TBC1D8: variants seen among roughly 807,000 people sequenced by gnomAD.
TBC1D8 encodes BUB2-like protein 1.
Under a neutral mutation model 118.8 loss-of-function variants are expected in TBC1D8, and 65 were observed. The ratio of observed to expected loss-of-function variants is 0.55; its 90% CI spans 0.45 to 0.67. The LOEUF (loss-of-function observed/expected upper bound fraction) is 0.67. TBC1D8 is among the 30% of genes least tolerant of loss of function. TBC1D8 has a pLI of 0.00. For synonymous variants in TBC1D8, 566 were observed against 595.8 expected, an observed-to-expected ratio of 0.95 and a Z score of 0.73; for missense variants, 1,376 against 1,471.2, an observed-to-expected ratio of 0.94 and a Z score of 1.06.
intron 2 of TBC1D8, among the ~76,000 whole-genome samples, chr2:101,078,532 G>C (rs1447790686): frequency 6.6e-6 from 1 of 152,094 alleles, no homozygotes; most frequent in African/African-American, 2.4e-5. Flanking sequence ...ATACGTAGGA[G>C]AGAAATATTA....
intron 16 of TBC1D8, among the ~76,000 whole-genome samples, chr2:101,022,027 C>A (rs563524893): frequency 1.3e-5 from 2 of 152,308 alleles, no homozygotes; most frequent in Non-Finnish European, 2.9e-5. Context: ...AAGCCACCAC[C>A]ACATCGTGGA....
intron 1 of TBC1D8, among the ~76,000 whole-genome samples, chr2:101,119,867 T>A (rs1443552805): frequency 6.6e-6 from 1 of 152,178 alleles, no homozygotes; most frequent in African/African-American, 2.4e-5. Context: ...CTACAGCAGG[T>A]CCTTGAAATG....
intron 17 of TBC1D8, among the ~76,000 whole-genome samples, chr2:101,015,395 G>T (rs1679550419): frequency 6.6e-6 from 1 of 152,090 alleles, no homozygotes. Context: ...ACACTTAACT[G>T]TACTGAGTTC....
intron 2 of TBC1D8, among the ~76,000 whole-genome samples, chr2:101,081,426 T>C (rs75708376): frequency 0.015 from 2,342 of 152,290 alleles, 55 homozygotes; most frequent in African/African-American, 0.053. Flanking sequence ...AACCTTGCAC[T>C]TAAGCTACCA....
intron 9 of TBC1D8, 34 bp from the exon 10 acceptor site, chr2:101,033,792 G>A (rs755590103): frequency 2.5e-6 from 4 of 1,591,698 alleles, no homozygotes; most frequent in Non-Finnish European, 3.4e-6. Flanking sequence ...AAGGGGGAAT[G>A]ATTACTAGGA....
intron 3 of TBC1D8, among the ~76,000 whole-genome samples, chr2:101,054,679 T>TC (rs1682304771): frequency 8.4e-6 from 1 of 118,398 alleles, no homozygotes; most frequent in Non-Finnish European, 1.7e-5. Flanking sequence ...TTTCTTTTTT[T>TC]TTTTTTTTTT....
chr2:101,121,793 C>T (rs1416217124), intron 1 of TBC1D8, among the ~76,000 whole-genome samples: 2 of 152,222 alleles, frequency 1.3e-5, no homozygotes, highest in East Asian at 3.9e-4. Flanking sequence ...CGGCCAGGCA[C>T]AGTGGCTCAC....
chr2:101,121,394 C>G (rs1678102769), intron 1 of TBC1D8, among the ~76,000 whole-genome samples: 2 of 152,184 alleles, frequency 1.3e-5, no homozygotes, highest in Admixed American at 1.3e-4. Flanking sequence ...CGGACACAGT[C>G]CTATCCCCGG....
At chr2:101,145,884 A>C (rs530131148) in intron 1 of TBC1D8, among the ~76,000 whole-genome samples, 1 of 152,352 alleles carries the variant, frequency 6.6e-6, no homozygotes, top group East Asian at 1.9e-4. Flanking sequence ...TACACATATT[A>C]AATACTGCAC....
chr2:101,017,147 T>C (rs546740688), intron 17 of TBC1D8, among the ~76,000 whole-genome samples: 2 of 151,752 alleles, frequency 1.3e-5, no homozygotes, highest in South Asian at 4.2e-4. Context: ...AATATCAGTG[T>C]CTTCCACGTC....
chr2:101,022,374 C>T lies in TBC1D8; in HGVS notation c.2668G>A (p.Ala890Thr), dbSNP rs780729445. ...CTTTCGGCGAGGATCTCCGTGTGGG[C>T]CCCGCAGGTCCAGGGCGAGACTAGC... The part of the protein sequence containing the change: ...FQLVSPWTCG[A>T]HTEILAERTF... Residue 890 changes from alanine to threonine, a missense_variant, in exon 16 of 20, where the codon GCC becomes ACC. Transcript: ENST00000409318. 23 of 1,613,432 alleles carry T rather than the reference C, an allele frequency of 1.4e-5. No individual in the cohort carries two copies. Among genetic ancestry groups the T allele is most frequent in the Non-Finnish European group, 1.9e-5 (23 of 1,179,678 alleles).
chr2:101,108,327 A>G (rs980962010), intron 1 of TBC1D8, among the ~76,000 whole-genome samples: 1 of 152,204 alleles, frequency 6.6e-6, no homozygotes, highest in African/African-American at 2.4e-5. Context: ...ATTGACAACT[A>G]AATGTAATGT....
At chr2:101,008,311 G>T in intron 19 of TBC1D8, 38 bp from the exon 20 acceptor site, 4 of 1,456,002 alleles carry the variant, frequency 2.7e-6, no homozygotes, top group South Asian at 1.5e-5. Context: ...AGCAGAACCA[G>T]GGTGGAAGTG....
chr2:101,041,851 C>T (rs1271278715), intron 5 of TBC1D8, among the ~76,000 whole-genome samples: 1 of 151,928 alleles, frequency 6.6e-6, no homozygotes, highest in East Asian at 1.9e-4. Context: ...TGGCAAAACC[C>T]CATCTCTACA....
chr2:101,069,185 CG>C (rs1464708193), intron 2 of TBC1D8, among the ~76,000 whole-genome samples: 1 of 151,530 alleles, frequency 6.6e-6, no homozygotes, highest in African/African-American at 2.4e-5. Flanking sequence ...GTAGTCTACT[CG>C]GGAGGCTGAG....
At chr2:101,117,518 G>A (rs1677875478) in intron 1 of TBC1D8, among the ~76,000 whole-genome samples, 1 of 152,038 alleles carries the variant, frequency 6.6e-6, no homozygotes, top group African/African-American at 2.4e-5. Flanking sequence ...AGATTCAGCG[G>A]GGAGGCACTC....
chr2:101,054,347 G>T lies in TBC1D8; in HGVS notation c.403-11C>A. ...CTCGGCTATCAGAGCCTGACACACA[G>T]AGATGACAGTCCCTGCTCAGTGAGC... On this transcript the variant is annotated splice_polypyrimidine_tract_variant and intron_variant, in intron 3 of 19. Coordinates refer to ENST00000409318, the MANE Select transcript of TBC1D8 (RefSeq NM_001330348.2). 6.4e-7 allele frequency: 1 copy of T among 1,554,508 alleles called. No individual in the cohort carries two copies. The highest frequency in any genetic ancestry group is 2.4e-5 in the East Asian group (1 of 41,206).
intron 1 of TBC1D8, among the ~76,000 whole-genome samples, chr2:101,118,216 C>T (rs1248120356): frequency 6.6e-6 from 1 of 152,074 alleles, no homozygotes; most frequent in African/African-American, 2.4e-5. Context: ...TGGGGCCTGG[C>T]TTTCAGTACT....
intron 6 of TBC1D8, among the ~76,000 whole-genome samples, chr2:101,039,051 T>C (rs995637356): frequency 1.3e-5 from 2 of 152,166 alleles, no homozygotes; most frequent in South Asian, 2.1e-4. Context: ...AGAAGGATGG[T>C]TGCTAGGGGC....
Sources: gnomAD v4.1 joint callset for allele counts (sites outside exome capture counted in the v4.1 genomes callset) on GRCh38, gnomAD v4.1.1 for gene constraint, MANE v1.5 for transcripts, NCBI Gene and HGNC (gene_info 2026-07-23, HGNC 2026-07-21) for gene names.